CNTN5: variants seen among roughly 807,000 people sequenced by gnomAD.
CNTN5 encodes contactin-5.
Under a neutral mutation model 129.1 loss-of-function variants are expected in CNTN5, and 77 were observed. The observed-to-expected ratio is 0.60, with a 90% CI of 0.50 to 0.72. CNTN5 has a LOEUF of 0.72. CNTN5 is among the 30% of genes least tolerant of loss of function. The pLI, the probability that CNTN5 is intolerant of heterozygous loss-of-function variation, is 0.00. For missense variants in CNTN5, 1,478 were observed against 1,328.8 expected (o/e 1.11, Z -1.75); for synonymous variants, 509 against 465.6 (o/e 1.09, Z -1.20).
chr11:99,154,495 A>G (rs569299004), intron 1 of CNTN5, among the ~76,000 whole-genome samples: 1 of 152,226 alleles, frequency 6.6e-6, no homozygotes, highest in Admixed American at 6.5e-5. Context: ...AGGAGCACTC[A>G]CACATCCATG....
chr11:99,382,844 A>AGTTTTTTTTTTTTTTTTTTT (rs774797660), intron 2 of CNTN5, among the ~76,000 whole-genome samples: 1 of 69,396 alleles, frequency 1.4e-5, no homozygotes, highest in African/African-American at 7.2e-5. Context: ...TCTCTAAATA[A>AGTTTTTTTTTTTTTTTTTTT]CTTTTTTTTT....
intron 2 of CNTN5, among the ~76,000 whole-genome samples, chr11:99,469,090 G>C (rs1324895036): frequency 6.6e-6 from 1 of 151,518 alleles, no homozygotes; most frequent in Non-Finnish European, 1.5e-5. Flanking sequence ...CTGTAGTACT[G>C]GTAAAAGAAA....
rs183673399 is a variant in CNTN5, at chr11:99,405,143, G to C, written c.-71+79659G>C. Among the ~76,000 whole-genome samples, 59 of 152,154 alleles carry C rather than the reference G, an allele frequency of 3.9e-4. 1 individual carries two copies. The highest frequency in any genetic ancestry group is 5.8e-4 in the East Asian group (3 of 5,164). On this transcript the variant is annotated intron_variant, in intron 2 of 24. Coordinates refer to ENST00000524871, the MANE Select transcript of CNTN5 (RefSeq NM_014361.4). The stretch of plus-strand genomic sequence containing the variant: ...TGTTTCTTTTCTCTTGCTGCTTTAA[G>C]GATCATTTCTTTATTCTTGACCTTT...
chr11:99,963,806 C>T (rs1951017859), intron 8 of CNTN5, among the ~76,000 whole-genome samples: 1 of 152,102 alleles, frequency 6.6e-6, no homozygotes, highest in East Asian at 1.9e-4. Flanking sequence ...AATGTTCTTC[C>T]ATTTGTTTGT....
chr11:99,263,553 T>G (rs1276141054), intron 1 of CNTN5, among the ~76,000 whole-genome samples: 1 of 152,124 alleles, frequency 6.6e-6, no homozygotes, highest in South Asian at 2.1e-4. Context: ...AAAATTTGTA[T>G]AAAGATAAAG....
chr11:100,166,248 A>AT lies in CNTN5; in HGVS notation c.1581-24874dup, dbSNP rs1271155792. Among the ~76,000 whole-genome samples, 14 of 151,878 alleles carry AT rather than the reference A, an allele frequency of 9.2e-5. 1 individual carries two copies. The highest frequency in any genetic ancestry group is 3.4e-4 in the African/African-American group (14 of 41,516). Reference sequence around the variant, plus strand: ...TAATATTCCAGAAGCAGTGCTCAAGATTTTGAACCAATTAGAGATTTGGGC... The same window carrying AT: ...TAATATTCCAGAAGCAGTGCTCAAGATTTTTGAACCAATTAGAGATTTGGGC... On this transcript the variant is annotated intron_variant, in intron 13 of 24. Coordinates refer to ENST00000524871, the MANE Select transcript of CNTN5 (RefSeq NM_014361.4).
chr11:100,137,736 C>T (rs970733732), intron 13 of CNTN5, among the ~76,000 whole-genome samples: 13 of 151,726 alleles, frequency 8.6e-5, no homozygotes, highest in African/African-American at 1.5e-4. Context: ...ATTATCAGGC[C>T]GGTATGGAAA....
At position 99,400,177 on chromosome 11, in the gene CNTN5, C is replaced by T. The variant is rs558633072; in HGVS notation, c.-71+74693C>T. 1.3e-4 allele frequency among the ~76,000 whole-genome samples: 20 copies of T among 152,144 alleles called. No individual in the cohort carries two copies. The South Asian group carries it at 3.1e-3, about 24-fold the overall frequency. On this transcript the variant is annotated intron_variant, in intron 2 of 24. Coordinates refer to ENST00000524871, the MANE Select transcript of CNTN5 (RefSeq NM_014361.4). ...CCTTTTACCCCTCTACCACCCACTA[C>T]CCTTCTTAGCCTCTGCTTACCAATC...
intron 1 of CNTN5, among the ~76,000 whole-genome samples, chr11:99,252,730 T>C (rs74620134): frequency 0.045 from 6,875 of 152,100 alleles, 332 homozygotes; most frequent in East Asian, 0.17. Context: ...TTTGATTCTT[T>C]ATATTTTTTG....
At chr11:99,192,718 C>T (rs754723686) in intron 1 of CNTN5, among the ~76,000 whole-genome samples, 4 of 152,020 alleles carry the variant, frequency 2.6e-5, no homozygotes, top group Non-Finnish European at 5.9e-5. Context: ...TTATTTAAAT[C>T]TACTGTATGG....
At chr11:99,065,931 G>T (rs915050105) in intron 1 of CNTN5, among the ~76,000 whole-genome samples, 3 of 152,090 alleles carry the variant, frequency 2.0e-5, no homozygotes, top group Non-Finnish European at 4.4e-5. Context: ...CCTTGACTCT[G>T]TTGTGAAAAC....
At chr11:99,653,231 C>T (rs908770458) in intron 3 of CNTN5, among the ~76,000 whole-genome samples, 1 of 151,902 alleles carries the variant, frequency 6.6e-6, no homozygotes, top group African/African-American at 2.4e-5. Context: ...ATTTGTACTA[C>T]TAAACTGTAG....
intron 3 of CNTN5, among the ~76,000 whole-genome samples, chr11:99,634,545 TG>T (rs1288565746): frequency 6.6e-6 from 1 of 152,210 alleles, no homozygotes; most frequent in African/African-American, 2.4e-5. Context: ...ATCTTGGCCC[TG>T]ATACTTAGTA....
At chr11:100,276,815 C>G (rs1365586409) in intron 18 of CNTN5, among the ~76,000 whole-genome samples, 4 of 151,912 alleles carry the variant, frequency 2.6e-5, no homozygotes, top group African/African-American at 9.7e-5. Flanking sequence ...TTCAAACAAT[C>G]CAATAATACA....
intron 1 of CNTN5, among the ~76,000 whole-genome samples, chr11:99,255,902 T>C (rs1374665555): frequency 6.6e-6 from 1 of 151,928 alleles, no homozygotes; most frequent in Non-Finnish European, 1.5e-5. Context: ...TTATACTTGA[T>C]ATAGTTCAGC....
chr11:99,178,486 A>G (rs1205523514), intron 1 of CNTN5, among the ~76,000 whole-genome samples: 1 of 149,840 alleles, frequency 6.7e-6, no homozygotes, highest in Non-Finnish European at 1.5e-5. Context: ...ACACCACTGT[A>G]CTCCAGCCTG....
chr11:99,132,604 C>G (rs1157346680), intron 1 of CNTN5, among the ~76,000 whole-genome samples: 1 of 152,006 alleles, frequency 6.6e-6, no homozygotes, highest in Non-Finnish European at 1.5e-5. Flanking sequence ...TTCCTATACA[C>G]CAACAACAGG....
At chr11:100,247,297 A>T (rs1243598443) in intron 16 of CNTN5, among the ~76,000 whole-genome samples, 1 of 152,212 alleles carries the variant, frequency 6.6e-6, no homozygotes, top group Non-Finnish European at 1.5e-5. Flanking sequence ...ATGAATAGAC[A>T]GATAATAAAA....
intron 16 of CNTN5, among the ~76,000 whole-genome samples, chr11:100,255,059 T>C (rs1950038808): frequency 6.6e-6 from 1 of 152,174 alleles, no homozygotes; most frequent in Non-Finnish European, 1.5e-5. Flanking sequence ...TAATATTCTA[T>C]ACCATTCTTT....
Sources: allele counts gnomAD v4.1 joint callset (sites outside exome capture counted in the v4.1 genomes callset), GRCh38; gene constraint gnomAD v4.1.1; transcripts MANE v1.5; gene names NCBI Gene and HGNC (gene_info 2026-07-23, HGNC 2026-07-21).